Variants in SEC23A observed in about 807,000 individuals in gnomAD.
SEC23A encodes protein transport protein Sec23A.
In SEC23A, 56 loss-of-function variants were observed where a neutral mutation model predicts 103.7. The observed-to-expected ratio is 0.54, with a 90% CI of 0.44 to 0.67. The LOEUF is 0.67. SEC23A is among the 30% of genes least tolerant of loss of function. The probability of loss-of-function intolerance (pLI) is 0.00; values close to 1 mark genes in which losing one functional copy is unlikely to be tolerated. For synonymous variants in SEC23A, 281 were observed against 293.0 expected (o/e 0.96, Z 0.42); for missense variants, 784 against 936.4 (o/e 0.84, Z 2.12).
chr14:39,073,626 T>G (rs1241428725), intron 9 of SEC23A, among the ~76,000 whole-genome samples: 14 of 147,374 alleles, frequency 9.5e-5, no homozygotes, highest in Non-Finnish European at 1.6e-4. Context: ...TTTTTTTTTT[T>G]TGAGACGGAG....
Position 39,095,886 on chromosome 14 carries a change from T to C in SEC23A, c.221+12A>G, listed in dbSNP as rs1887868824. 1.3e-6 allele frequency: 2 copies of C among 1,565,000 alleles called. No individual in the cohort carries two copies. The highest frequency in any genetic ancestry group is 2.7e-5 in the African/African-American group (2 of 73,958). On this transcript the variant is annotated intron_variant, in intron 2 of 19. Coordinates refer to ENST00000307712, the MANE Select transcript of SEC23A (RefSeq NM_006364.4). ...ACATTGCCACATTAGTTTTTCTATATATTTTACTTACCATAAAGGATTCAA... is the reference window on the plus strand; with the variant it reads ...ACATTGCCACATTAGTTTTTCTATACATTTTACTTACCATAAAGGATTCAA...
chr14:39,062,746 C>A (rs1886521098), intron 12 of SEC23A, among the ~76,000 whole-genome samples: 1 of 151,828 alleles, frequency 6.6e-6, no homozygotes, highest in Non-Finnish European at 1.5e-5. Flanking sequence ...TTGCACCTGC[C>A]TTAGGAAAGC....
At chr14:39,099,166 T>G (rs1209718668) in intron 1 of SEC23A, among the ~76,000 whole-genome samples, 3 of 144,938 alleles carry the variant, frequency 2.1e-5, no homozygotes, top group South Asian at 2.2e-4. Context: ...TTTTTTTTTT[T>G]TTTTTTTTTT....
At chr14:39,065,039 T>C (rs1279665241) in intron 10 of SEC23A, 46 bp from the exon 11 acceptor site, 3 of 1,214,130 alleles carry the variant, frequency 2.5e-6, no homozygotes, top group Non-Finnish European at 3.7e-6. Flanking sequence ...AAAGATACGT[T>C]CAAATGTTCA....
At chr14:39,090,614 G>T (rs181739893) in intron 5 of SEC23A, among the ~76,000 whole-genome samples, 5 of 152,228 alleles carry the variant, frequency 3.3e-5, no homozygotes, top group African/African-American at 9.6e-5. Flanking sequence ...TAAGTGAAAT[G>T]TTAAGAAATA....
At chr14:39,049,065 G>A (rs1352408107) in intron 14 of SEC23A, among the ~76,000 whole-genome samples, 4 of 151,936 alleles carry the variant, frequency 2.6e-5, no homozygotes, top group Non-Finnish European at 5.9e-5. Context: ...AAAAAGGCTG[G>A]CACAGTGACT....
chr14:39,047,200 T>C (rs1885868854), intron 15 of SEC23A, among the ~76,000 whole-genome samples: 3 of 152,182 alleles, frequency 2.0e-5, no homozygotes, highest in Non-Finnish European at 4.4e-5. Flanking sequence ...GGAAGAAAGA[T>C]GGAAATGTCC....
intron 3 of SEC23A, 51 bp from the exon 4 acceptor site, chr14:39,092,678 A>T (rs756027436): frequency 6.7e-6 from 7 of 1,038,274 alleles, no homozygotes; most frequent in Non-Finnish European, 1.0e-5. Context: ...GGCTAGAAAG[A>T]TTAATAAAAT....
chr14:39,063,249 C>G, intron 12 of SEC23A, 75 bp downstream of exon 12: 6 of 833,134 alleles, frequency 7.2e-6, no homozygotes, highest in Non-Finnish European at 1.2e-5. Context: ...AAAATATGAA[C>G]TATTCATGGC....
At chr14:39,047,001 T>C (rs956948632) in intron 15 of SEC23A, among the ~76,000 whole-genome samples, 1 of 152,250 alleles carries the variant, frequency 6.6e-6, no homozygotes, top group African/African-American at 2.4e-5. Flanking sequence ...TGAGAGGCTC[T>C]TGCATCCCTT....
chr14:39,064,261 C>T (rs35534904), intron 11 of SEC23A, among the ~76,000 whole-genome samples: 41,388 of 151,830 alleles, frequency 0.27, 6,641 homozygotes, highest in Non-Finnish European at 0.35. Context: ...AGTTGATTAC[C>T]CACTTTGTAT....
intron 19 of SEC23A, among the ~76,000 whole-genome samples, chr14:39,033,808 A>G (rs1388746968): frequency 6.6e-6 from 1 of 152,232 alleles, no homozygotes; most frequent in Non-Finnish European, 1.5e-5. Flanking sequence ...AGAGTTAGGG[A>G]AAATTCCTAT....
chr14:39,092,995 C>A (rs945134097), intron 3 of SEC23A, 192 bp downstream of exon 3: 8 of 503,464 alleles, frequency 1.6e-5, no homozygotes, highest in African/African-American at 1.6e-4. Context: ...TCACGAGTAG[C>A]TGGGACTACA....
intron 19 of SEC23A, among the ~76,000 whole-genome samples, chr14:39,034,973 C>T (rs930989235): frequency 1.3e-5 from 2 of 152,066 alleles, no homozygotes; most frequent in Non-Finnish European, 2.9e-5. Context: ...TATTAGAGTC[C>T]ATTAATTTTT....
chr14:39,032,441 C>T lies in SEC23A; in HGVS notation c.*798G>A, dbSNP rs1885333898. 6.6e-6 allele frequency: 1 copy of T among 152,540 alleles called. No individual in the cohort carries two copies. 9.4% of individuals were successfully genotyped at this position (152,540 alleles called of 1,614,324 possible). A position where few individuals can be genotyped will look rare whatever the true frequency, so the allele number is the denominator to read the frequency against. ...ACAAGGGGAAAACAACAAAACCATG[C>T]TGTGAAAACTAAATTTGGTTTAGTA... On this transcript the variant is annotated 3_prime_UTR_variant, in exon 20 of 20. Coordinates refer to ENST00000307712, the MANE Select transcript of SEC23A (RefSeq NM_006364.4).
chr14:39,078,210 A>G (rs1021879707), intron 7 of SEC23A, among the ~76,000 whole-genome samples: 1 of 152,014 alleles, frequency 6.6e-6, no homozygotes, highest in Non-Finnish European at 1.5e-5. Flanking sequence ...AACCATGATC[A>G]TGCCACTGCA....
chr14:39,046,303 T>C (rs1473807014), intron 15 of SEC23A, among the ~76,000 whole-genome samples: 1 of 152,038 alleles, frequency 6.6e-6, no homozygotes, highest in Admixed American at 6.6e-5. Flanking sequence ...ACCCCGTCTC[T>C]ACTAAAAATA....
intron 1 of SEC23A, among the ~76,000 whole-genome samples, chr14:39,102,215 A>G (rs6571895): frequency 0.93 from 140,747 of 151,962 alleles, 65,280 homozygotes; most frequent in East Asian, 0.95. Flanking sequence ...CTGGGCGACA[A>G]AGCAAGACTC....
intron 15 of SEC23A, among the ~76,000 whole-genome samples, chr14:39,047,852 TC>T (rs1372779698): frequency 6.6e-6 from 1 of 152,216 alleles, no homozygotes; most frequent in Non-Finnish European, 1.5e-5. Context: ...CTTAAAAATA[TC>T]TATCAAATCA....
Sources: gnomAD v4.1 joint callset for allele counts (sites outside exome capture counted in the v4.1 genomes callset) on GRCh38, gnomAD v4.1.1 for gene constraint, MANE v1.5 for transcripts, NCBI Gene and HGNC (gene_info 2026-07-23, HGNC 2026-07-21) for gene names.